Variants in ATRNL1 observed in about 807,000 individuals in gnomAD.
ATRNL1 encodes the protein attractin-like protein 1.
In ATRNL1, 95 loss-of-function variants were observed where a neutral mutation model predicts 182.7. That is an observed-to-expected ratio of 0.52 (90% CI 0.44 to 0.62). The LOEUF (loss-of-function observed/expected upper bound fraction) is 0.62, where lower values mean the gene tolerates loss of function less well. Ranked by LOEUF, ATRNL1 falls within the 20% of genes least tolerant of loss-of-function variation. The pLI, the probability that ATRNL1 is intolerant of heterozygous loss-of-function variation, is 0.00. For missense variants in ATRNL1, 1,471 were observed against 1,679.5 expected (o/e 0.88, Z 2.17); for synonymous variants, 576 against 568.3 (o/e 1.01, Z -0.19).
chr10:115,370,237 T>A (rs1554947633), intron 19 of ATRNL1, among the ~76,000 whole-genome samples: 1 of 152,206 alleles, frequency 6.6e-6, no homozygotes, highest in Non-Finnish European at 1.5e-5. Context: ...ATCGGCTGTG[T>A]CAAAATGGAC....
intron 8 of ATRNL1, among the ~76,000 whole-genome samples, chr10:115,200,398 C>G (rs1848521800): frequency 8.1e-6 from 1 of 123,376 alleles, no homozygotes; most frequent in South Asian, 2.9e-4. Context: ...CCACAACAGT[C>G]CCCAGAGTGT....
chr10:115,374,293 A>G (rs1016501166), intron 19 of ATRNL1, among the ~76,000 whole-genome samples: 17 of 149,552 alleles, frequency 1.1e-4, no homozygotes, highest in African/African-American at 3.9e-4. Flanking sequence ...AAAGGAAAAA[A>G]CTCTTAGTTT....
At chr10:115,330,672 C>CTTTTT (rs200104323) in intron 18 of ATRNL1, among the ~76,000 whole-genome samples, 11 of 101,368 alleles carry the variant, frequency 1.1e-4, no homozygotes, top group East Asian at 3.2e-4. Flanking sequence ...GTGTTATTTG[C>CTTTTT]TTTTTTTTTT....
Position 115,315,693 on chromosome 10 carries a change from C to T in ATRNL1, c.2994C>T (p.Cys998=), listed in dbSNP as rs1592433828. The change falls in exon 18 of 29, where the codon TGC becomes TGT. Residue 998 remains cysteine (C), a synonymous_variant. Transcript: ENST00000355044. ...HSEMVLDTNL[C]PKEKNYEWSF... ...AGATGGTTCTTGACACCAATCTTTG[C>T]CCCAAAGAAAAGAACTATGAGTGGT... 6.2e-7 allele frequency: 1 copy of T among 1,613,496 alleles called. No homozygotes were observed. The highest frequency in any genetic ancestry group is 2.2e-5 in the East Asian group (1 of 44,862).
chr10:115,311,262 T>G (rs1307515756), intron 17 of ATRNL1, among the ~76,000 whole-genome samples: 1 of 151,424 alleles, frequency 6.6e-6, no homozygotes, highest in Non-Finnish European at 1.5e-5. Context: ...CAATCTTGGT[T>G]CACTGCAACC....
chr10:115,380,479 C>A (rs1857936603), intron 19 of ATRNL1, among the ~76,000 whole-genome samples: 1 of 152,068 alleles, frequency 6.6e-6, no homozygotes, highest in Non-Finnish European at 1.5e-5. Context: ...TTCATCACCC[C>A]CCTCTAAAAA....
Position 115,121,793 on chromosome 10 carries a change from C to A in ATRNL1, c.472C>A (p.Pro158Thr). The A allele has an allele frequency of 5.9e-6, 9 of 1,513,848 alleles. No homozygotes were observed. The highest frequency in any genetic ancestry group is 8.1e-6 in the Non-Finnish European group (9 of 1,108,846). 93.8% of individuals were successfully genotyped at this position (1,513,848 alleles called of 1,614,324 possible). A position where few individuals can be genotyped will look rare whatever the true frequency, so the allele number is the denominator to read the frequency against. ...TTATGATGGAGATTCAATATATGCA[C>A]CTTTAATAGCTGTACTTAGGTGAGT... is the stretch of plus-strand genomic sequence containing the variant. ...YVYDGDSIYAPLIAVLSGLIV... is the reference protein window; with the variant it reads ...YVYDGDSIYATLIAVLSGLIV... Residue 158 changes from proline to threonine, a missense_variant, in exon 3 of 29, where the codon CCT becomes ACT. By Grantham distance (38) the Pro-to-Thr change is conservative (BLOSUM62 -1). Around this residue, in one of 3 missense-constraint regions of ATRNL1, gnomAD observed 1,031 missense variants for 1,156.0 expected, o/e 0.89. Transcript: ENST00000355044.
At chr10:115,223,448 A>G (rs1185940652) in intron 9 of ATRNL1, among the ~76,000 whole-genome samples, 3 of 152,152 alleles carry the variant, frequency 2.0e-5, no homozygotes, top group Non-Finnish European at 4.4e-5. Flanking sequence ...GGAAGGCATA[A>G]CAGTTCTTAA....
intron 21 of ATRNL1, among the ~76,000 whole-genome samples, chr10:115,454,602 A>G (rs536562564): frequency 6.6e-6 from 1 of 152,132 alleles, no homozygotes; most frequent in East Asian, 1.9e-4. Context: ...TTTAATGTTC[A>G]AGTCTTTATT....
intron 19 of ATRNL1, among the ~76,000 whole-genome samples, chr10:115,379,031 TG>T (rs1554950302): frequency 6.6e-6 from 1 of 151,918 alleles, no homozygotes; most frequent in Non-Finnish European, 1.5e-5. Context: ...GTTTCTAAAG[TG>T]TTTTTTTTTA....
chr10:115,632,790 A>T (rs1858597741), intron 26 of ATRNL1, among the ~76,000 whole-genome samples: 1 of 152,212 alleles, frequency 6.6e-6, no homozygotes, highest in African/African-American at 2.4e-5. Flanking sequence ...AAGCCACAAT[A>T]CATGAATAAT....
Position 115,263,502 on chromosome 10 carries a change from A to T in ATRNL1, c.1688-1691A>T, listed in dbSNP as rs563017950. On this transcript the variant is annotated intron_variant, in intron 10 of 28. Coordinates refer to ENST00000355044, the MANE Select transcript of ATRNL1 (RefSeq NM_207303.4). ...ATGATCTGTTAATCAAATGGACCTC[A>T]TACAAGTTATTTACCTTCATGTAGG... 2.6e-5 allele frequency among the ~76,000 whole-genome samples: 4 copies of T among 151,946 alleles called. No individual in the cohort carries two copies. The South Asian group carries it at 8.3e-4, about 31-fold the overall frequency.
intron 19 of ATRNL1, among the ~76,000 whole-genome samples, chr10:115,362,581 A>G (rs1383384988): frequency 6.6e-6 from 1 of 151,778 alleles, no homozygotes; most frequent in East Asian, 1.9e-4. Context: ...CAGGTTAGTT[A>G]CATATGTATA....
At chr10:115,806,045 T>C (rs1232103887) in intron 27 of ATRNL1, among the ~76,000 whole-genome samples, 1 of 152,140 alleles carries the variant, frequency 6.6e-6, no homozygotes, top group African/African-American at 2.4e-5. Context: ...TCTTGCTTTA[T>C]TGATTGTGGG....
At chr10:115,703,575 G>A (rs895570382) in intron 26 of ATRNL1, among the ~76,000 whole-genome samples, 1 of 151,580 alleles carries the variant, frequency 6.6e-6, no homozygotes, top group Non-Finnish European at 1.5e-5. Context: ...GTAACATTCT[G>A]GTTTTTAGGT....
intron 28 of ATRNL1, among the ~76,000 whole-genome samples, chr10:115,941,721 G>A (rs1250370211): frequency 6.6e-6 from 1 of 152,198 alleles, no homozygotes; most frequent in Non-Finnish European, 1.5e-5. Flanking sequence ...AATGACAGAA[G>A]TATGCCAGAA....
chr10:115,841,912 C>T (rs1950818416), intron 27 of ATRNL1, among the ~76,000 whole-genome samples: 1 of 152,038 alleles, frequency 6.6e-6, no homozygotes, highest in Non-Finnish European at 1.5e-5. Flanking sequence ...ATACAATACT[C>T]AGTAAATTAA....
chr10:115,189,188 G>T (rs1451684956), intron 8 of ATRNL1, among the ~76,000 whole-genome samples: 2 of 152,024 alleles, frequency 1.3e-5, no homozygotes, highest in African/African-American at 4.8e-5. Flanking sequence ...TGATGCTGGT[G>T]TAAACAAACC....
chr10:115,196,784 T>C (rs782703752), intron 8 of ATRNL1, among the ~76,000 whole-genome samples: 4 of 152,262 alleles, frequency 2.6e-5, no homozygotes, highest in East Asian at 1.9e-4. Context: ...AACACACTTA[T>C]TAATATCTGT....
Sources: gnomAD v4.1 joint callset for allele counts (sites outside exome capture counted in the v4.1 genomes callset) on GRCh38, gnomAD v4.1.1 for gene constraint, gnomAD v4.1.1 regional missense constraint, MANE v1.5 for transcripts, NCBI Gene and HGNC (gene_info 2026-07-23, HGNC 2026-07-21) for gene names.